The following HDAC9 variants were observed in gnomAD, a reference collection of about 807,000 sequenced individuals.
HDAC9 encodes MEF-2 interacting transcription repressor (MITR) protein.
HDAC9 carries 41 observed loss-of-function variants against 139.4 expected under a neutral mutation model. That is an observed-to-expected ratio of 0.29 (90% CI 0.23 to 0.38). The LOEUF is 0.38. Among genes scored for constraint, HDAC9 ranks in the 10% least tolerant of loss-of-function variants. The probability of loss-of-function intolerance (pLI) is 1.00; values close to 1 mark genes in which losing one functional copy is unlikely to be tolerated. For missense variants in HDAC9, 1,147 were observed against 1,297.0 expected (o/e 0.88, Z 1.78); for synonymous variants, 517 against 476.2 (o/e 1.09, Z -1.12).
At chr7:18,628,370 T>G (rs1033253099) in intron 6 of HDAC9, among the ~76,000 whole-genome samples, 15 of 152,106 alleles carry the variant, frequency 9.9e-5, no homozygotes, top group Admixed American at 3.9e-4. Context: ...TTTCCAGATG[T>G]TTTTATGGTT....
At chr7:18,178,530 G>A (rs962537114) in intron 2 of HDAC9, among the ~76,000 whole-genome samples, 11 of 152,128 alleles carry the variant, frequency 7.2e-5, no homozygotes, top group Non-Finnish European at 1.2e-4. Context: ...CTAGCACAGC[G>A]GTAGAAGCAG....
At chr7:18,706,248 T>C (rs1783909168) in intron 12 of HDAC9, among the ~76,000 whole-genome samples, 1 of 116,422 alleles carries the variant, frequency 8.6e-6, no homozygotes, top group South Asian at 2.9e-4. Context: ...TTTGCGTAAT[T>C]AAGTTTCCAT....
chr7:18,557,722 TTA>T (rs1249670365), intron 2 of HDAC9, among the ~76,000 whole-genome samples: 2 of 148,864 alleles, frequency 1.3e-5, no homozygotes, highest in East Asian at 3.9e-4. Flanking sequence ...ATATTAACAA[TTA>T]TAATGATATT....
intron 21 of HDAC9, among the ~76,000 whole-genome samples, chr7:18,851,122 C>A (rs572717814): frequency 7.9e-5 from 12 of 152,336 alleles, no homozygotes; most frequent in African/African-American, 2.9e-4. Flanking sequence ...CTTTGCCTAG[C>A]AGCAGCAGGT....
At chr7:18,521,977 T>G (rs1334454482) in intron 2 of HDAC9, among the ~76,000 whole-genome samples, 1 of 152,152 alleles carries the variant, frequency 6.6e-6, no homozygotes, top group Non-Finnish European at 1.5e-5. Context: ...TATTGAAATA[T>G]TGTGTCTTCT....
intron 2 of HDAC9, among the ~76,000 whole-genome samples, chr7:18,263,346 T>A (rs1254095744): frequency 6.6e-6 from 1 of 152,168 alleles, no homozygotes; most frequent in African/African-American, 2.4e-5. Context: ...TTCTGTAATA[T>A]TATTTCATTA....
At chr7:18,992,840 C>T (rs900844873) in intron 25 of HDAC9, among the ~76,000 whole-genome samples, 1 of 152,144 alleles carries the variant, frequency 6.6e-6, no homozygotes, top group Non-Finnish European at 1.5e-5. Context: ...TGGAGGGAAG[C>T]TTATGTCTTT....
chr7:18,200,617 G>T (rs981433304), intron 2 of HDAC9, among the ~76,000 whole-genome samples: 3 of 152,114 alleles, frequency 2.0e-5, no homozygotes, highest in Admixed American at 6.5e-5. Context: ...GACTTTATTG[G>T]GGTTTGGTAG....
At chr7:18,352,342 T>C (rs1415250033) in intron 1 of HDAC9, among the ~76,000 whole-genome samples, 1 of 152,220 alleles carries the variant, frequency 6.6e-6, no homozygotes, top group East Asian at 1.9e-4. Flanking sequence ...CAATATAATA[T>C]TCTGCTTAGA....
At chr7:18,343,014 A>C (rs533737758) in intron 1 of HDAC9, among the ~76,000 whole-genome samples, 12 of 151,850 alleles carry the variant, frequency 7.9e-5, no homozygotes, top group African/African-American at 2.2e-4. Context: ...CTGAGAGTGA[A>C]ATTCCCTATC....
intron 22 of HDAC9, among the ~76,000 whole-genome samples, chr7:18,904,912 G>T (rs1802084502): frequency 6.7e-6 from 1 of 150,102 alleles, no homozygotes; most frequent in African/African-American, 2.4e-5. Flanking sequence ...GTTTTGTTTT[G>T]TTTTTTCTCA....
At chr7:18,887,040 A>T (rs1800216298) in intron 22 of HDAC9, among the ~76,000 whole-genome samples, 4 of 152,230 alleles carry the variant, frequency 2.6e-5, no homozygotes, top group African/African-American at 9.6e-5. Context: ...ATGGAATAGT[A>T]TGTGACCAAG....
chr7:18,663,205 T>C (rs1793750354), intron 11 of HDAC9, among the ~76,000 whole-genome samples: 1 of 152,042 alleles, frequency 6.6e-6, no homozygotes, highest in African/African-American at 2.4e-5. Flanking sequence ...GCAGGGTTAC[T>C]GATAAAGATA....
intron 12 of HDAC9, among the ~76,000 whole-genome samples, chr7:18,702,353 C>G (rs1302987716): frequency 6.6e-6 from 1 of 152,140 alleles, no homozygotes; most frequent in African/African-American, 2.4e-5. Context: ...AAGCCAAAAC[C>G]TTGAGTGGAT....
At chr7:18,663,717 AG>A (rs1244272027) in intron 11 of HDAC9, among the ~76,000 whole-genome samples, 1 of 152,092 alleles carries the variant, frequency 6.6e-6, no homozygotes, top group Non-Finnish European at 1.5e-5. Flanking sequence ...TGTTAGTGAG[AG>A]GGAGAGTTTC....
chr7:18,549,045 C>G (rs112786952), intron 2 of HDAC9, among the ~76,000 whole-genome samples: 3 of 152,252 alleles, frequency 2.0e-5, no homozygotes, highest in African/African-American at 7.2e-5. Context: ...CGAGACTATC[C>G]TGACCAATAT....
In HDAC9 at chr7:18,727,734, C is replaced by T. The variant is rs757942363; in HGVS notation, c.1886C>T (p.Pro629Leu). 4.1e-5 allele frequency: 63 copies of T among 1,547,906 alleles called. No individual in the cohort carries two copies. The highest frequency in any genetic ancestry group is 5.3e-5 in the Non-Finnish European group (61 of 1,155,132). Residue 629 changes from proline to leucine, a missense_variant, in exon 13 of 26, where the codon CCC (proline) becomes CTC (leucine). Around this residue, in one of 7 missense-constraint regions of HDAC9, gnomAD observed 256 missense variants for 219.2 expected, o/e 1.17. Coordinates refer to ENST00000686413, the MANE Select transcript of HDAC9 (RefSeq NM_178425.4). ...TTACCTCACCCAGCAATGGACCGCC[C>T]CCTCCAGCCTGGCTCTGCAACTGGT... ...SVLPHPAMDR[P>L]LQPGSATGIA...
intron 17 of HDAC9, among the ~76,000 whole-genome samples, chr7:18,809,228 A>G (rs986805735): frequency 2.6e-5 from 4 of 152,230 alleles, no homozygotes; most frequent in African/African-American, 7.2e-5. Flanking sequence ...ACATGAAACT[A>G]TAAAACTACT....
chr7:18,774,276 A>T lies in HDAC9; in HGVS notation c.2214+7121A>T, dbSNP rs148123585. 5.4e-3 allele frequency among the ~76,000 whole-genome samples: 821 copies of T among 152,172 alleles called. 11 individuals carry two copies. The highest frequency in any genetic ancestry group is 0.019 in the African/African-American group (785 of 41,570). ...TCTATGAAGACTGATAAGACTATTA[A>T]AGGACTAATATATTCGATATTTTTA... On this transcript the variant is annotated intron_variant, in intron 16 of 25. Coordinates refer to ENST00000686413, the MANE Select transcript of HDAC9 (RefSeq NM_178425.4).
Sources: gnomAD v4.1 joint callset for allele counts (sites outside exome capture counted in the v4.1 genomes callset) on GRCh38, gnomAD v4.1.1 for gene constraint, gnomAD v4.1.1 regional missense constraint, MANE v1.5 for transcripts, NCBI Gene and HGNC (gene_info 2026-07-23, HGNC 2026-07-21) for gene names.